The following SNTB1 variants were observed in gnomAD, a reference collection of about 807,000 sequenced individuals.
The protein encoded by SNTB1 is beta-1-syntrophin.
SNTB1 carries 36 observed loss-of-function variants against 48.9 expected under a neutral mutation model. The observed-to-expected ratio is 0.74, with a 90% CI of 0.56 to 0.97. The LOEUF (loss-of-function observed/expected upper bound fraction) is 0.97. SNTB1 is among the 50% of genes least tolerant of loss of function. SNTB1 has a pLI of 0.00. For missense variants in SNTB1, 786 were observed against 703.4 expected, an observed-to-expected ratio of 1.12 and a Z score of -1.33; for synonymous variants, 299 against 294.6, an observed-to-expected ratio of 1.01 and a Z score of -0.15.
intron 3 of SNTB1, among the ~76,000 whole-genome samples, chr8:120,588,878 C>G (rs1444403847): frequency 6.6e-6 from 1 of 152,186 alleles, no homozygotes; most frequent in East Asian, 1.9e-4. Flanking sequence ...GGGTGTCTCC[C>G]AGAAATCTAG....
chr8:120,607,590 C>G (rs1007935026), intron 3 of SNTB1, among the ~76,000 whole-genome samples: 17 of 152,116 alleles, frequency 1.1e-4, no homozygotes, highest in African/African-American at 4.1e-4. Context: ...GACTTGTTAT[C>G]TTGAAAACCC....
At chr8:120,795,291 G>A (rs1820105079) in intron 1 of SNTB1, among the ~76,000 whole-genome samples, 1 of 151,846 alleles carries the variant, frequency 6.6e-6, no homozygotes, top group South Asian at 2.1e-4. Context: ...TGGAGAAGTT[G>A]CTCTCTGGTA....
At chr8:120,553,894 A>G (rs1293399095) in intron 4 of SNTB1, among the ~76,000 whole-genome samples, 4 of 152,146 alleles carry the variant, frequency 2.6e-5, no homozygotes, top group Non-Finnish European at 4.4e-5. Context: ...GCTACTCGGG[A>G]GGCTGAGGCA....
At chr8:120,620,921 CCCT>C (rs1348858270) in intron 3 of SNTB1, among the ~76,000 whole-genome samples, 1 of 147,160 alleles carries the variant, frequency 6.8e-6, no homozygotes, top group African/African-American at 2.5e-5. Context: ...CTTCCTCCCT[CCCT>C]CTCTCTCTTC....
intron 2 of SNTB1, among the ~76,000 whole-genome samples, chr8:120,639,697 G>C (rs940940811): frequency 6.6e-6 from 1 of 152,056 alleles, no homozygotes; most frequent in African/African-American, 2.4e-5. Context: ...GTAGATGTGT[G>C]GTATTATTTC....
intron 4 of SNTB1, among the ~76,000 whole-genome samples, chr8:120,566,353 A>AAG (rs398009625): frequency 2.9e-4 from 41 of 142,630 alleles, no homozygotes; most frequent in African/African-American, 1.0e-3. Flanking sequence ...AAAAAAAAAA[A>AAG]GGGTGGGGGA....
chr8:120,699,355 G>A (rs1818265185), intron 1 of SNTB1, among the ~76,000 whole-genome samples: 1 of 152,200 alleles, frequency 6.6e-6, no homozygotes, highest in Admixed American at 6.5e-5. Context: ...GGATCATGAG[G>A]ACAGATCCCT....
chr8:120,706,650 C>G (rs1818380772), intron 1 of SNTB1, among the ~76,000 whole-genome samples: 1 of 152,182 alleles, frequency 6.6e-6, no homozygotes, highest in Non-Finnish European at 1.5e-5. Context: ...GAATGCTCAA[C>G]TCCAAATATT....
intron 2 of SNTB1, among the ~76,000 whole-genome samples, chr8:120,649,324 G>T (rs1817361718): frequency 2.7e-5 from 4 of 146,362 alleles, no homozygotes; most frequent in Middle Eastern, 3.4e-3. Context: ...TTTGATGATG[G>T]TGATGTACAG....
At chr8:120,654,817 C>T in intron 2 of SNTB1, 2 of 345,318 alleles carry the variant, frequency 5.8e-6, no homozygotes, top group South Asian at 4.5e-5. Context: ...CTTGAAGCCT[C>T]CTACTACGAA....
chr8:120,563,501 G>A (rs1813778353), intron 4 of SNTB1, among the ~76,000 whole-genome samples: 2 of 152,060 alleles, frequency 1.3e-5, no homozygotes, highest in South Asian at 2.1e-4. Flanking sequence ...ATGACTGCTC[G>A]TAAACATCTC....
chr8:120,724,520 G>A (rs1334184061), intron 1 of SNTB1, among the ~76,000 whole-genome samples: 6 of 152,178 alleles, frequency 3.9e-5, no homozygotes, highest in Admixed American at 6.5e-5. Context: ...CATGGAGTGG[G>A]GAAGAAGGGT....
intron 2 of SNTB1, among the ~76,000 whole-genome samples, chr8:120,673,466 G>T (rs1372906187): frequency 6.6e-6 from 1 of 151,690 alleles, no homozygotes; most frequent in Admixed American, 6.6e-5. Context: ...AATTTTTGTA[G>T]TTTTAGTAGA....
intron 4 of SNTB1, among the ~76,000 whole-genome samples, chr8:120,551,051 T>G (rs947173774): frequency 6.7e-6 from 1 of 150,110 alleles, no homozygotes; most frequent in African/African-American, 2.5e-5. Context: ...AGGTCAGGAG[T>G]TCAAGACAGC....
intron 5 of SNTB1, among the ~76,000 whole-genome samples, chr8:120,542,797 A>G (rs1237305150): frequency 6.6e-6 from 1 of 151,994 alleles, no homozygotes; most frequent in Non-Finnish European, 1.5e-5. Flanking sequence ...CATCAAAATT[A>G]ACTAACGTAA....
intron 3 of SNTB1, among the ~76,000 whole-genome samples, chr8:120,621,285 G>A (rs1371725661): frequency 6.6e-6 from 1 of 152,166 alleles, no homozygotes; most frequent in East Asian, 1.9e-4. Context: ...ATGCCCACTG[G>A]TGGAGGTGCT....
At chr8:120,595,736 AC>A (rs1816312376) in intron 3 of SNTB1, among the ~76,000 whole-genome samples, 1 of 152,066 alleles carries the variant, frequency 6.6e-6, no homozygotes, top group South Asian at 2.1e-4. Context: ...GGCATGCACT[AC>A]CACGCCCGGC....
intron 4 of SNTB1, among the ~76,000 whole-genome samples, chr8:120,555,846 C>A (rs764415830): frequency 6.6e-6 from 1 of 152,158 alleles, no homozygotes; most frequent in Non-Finnish European, 1.5e-5. Context: ...AATCTCTCCC[C>A]CTCCCGTGCA....
At chr8:120,792,897 T>G (rs2130158681) in intron 1 of SNTB1, among the ~76,000 whole-genome samples, 2 of 152,032 alleles carry the variant, frequency 1.3e-5, no homozygotes, top group African/African-American at 4.8e-5. Context: ...GTTACTAAGA[T>G]TGAAGTGTCT....
Sources: allele counts gnomAD v4.1 joint callset (sites outside exome capture counted in the v4.1 genomes callset), GRCh38; gene constraint gnomAD v4.1.1; transcripts MANE v1.5; gene names NCBI Gene and HGNC (gene_info 2026-07-23, HGNC 2026-07-21).